The following NBAS variants were observed in gnomAD, a reference collection of about 807,000 sequenced individuals.
NBAS encodes the protein NBAS subunit of NRZ tethering complex, also known as NAG/BC035112 fusion.
Under a neutral mutation model 302.5 loss-of-function variants are expected in NBAS, and 219 were observed. That is an observed-to-expected ratio of 0.72 (90% CI 0.65 to 0.81). The LOEUF is 0.81. Ranked by LOEUF, NBAS falls within the 30% of genes least tolerant of loss-of-function variation. The pLI is 0.00. For synonymous variants in NBAS, 1,118 were observed against 1,021.6 expected, an observed-to-expected ratio of 1.09 and a Z score of -1.80; for missense variants, 2,932 against 2,841.6, an observed-to-expected ratio of 1.03 and a Z score of -0.72.
the NBAS span, among the ~76,000 whole-genome samples, chr2:15,159,936 T>C: frequency 3.3e-5 from 5 of 152,150 alleles, no homozygotes; most frequent in African/African-American, 1.2e-4. Flanking sequence ...TATTGTTTCA[T>C]CTCTGTGAGC....
At chr2:15,380,489 T>C (rs1233494217) in intron 29 of NBAS, among the ~76,000 whole-genome samples, 1 of 152,172 alleles carries the variant, frequency 6.6e-6, no homozygotes, top group Non-Finnish European at 1.5e-5. Context: ...CCACAAATGC[T>C]ATACTTACAA....
chr2:15,125,505 T>C, the NBAS span, among the ~76,000 whole-genome samples: 1 of 124,264 alleles, frequency 8.0e-6, no homozygotes, highest in African/African-American at 3.7e-5. Context: ...TCTAGTCATC[T>C]TCCACCAGGC....
the NBAS span, among the ~76,000 whole-genome samples, chr2:14,836,012 G>T: frequency 3.3e-5 from 5 of 152,072 alleles, no homozygotes; most frequent in Admixed American, 2.6e-4. Context: ...TCTGATGGGT[G>T]TATAGGGATA....
chr2:15,540,706 C>A (rs576796797), intron 6 of NBAS, among the ~76,000 whole-genome samples: 57 of 141,112 alleles, frequency 4.0e-4, no homozygotes, highest in African/African-American at 1.3e-3. Context: ...CAAATATATG[C>A]CTTTTGTTTT....
chr2:15,434,904 T>C (rs532220372), intron 21 of NBAS, among the ~76,000 whole-genome samples: 9 of 152,140 alleles, frequency 5.9e-5, no homozygotes, highest in Non-Finnish European at 1.3e-4. Flanking sequence ...AGCAATCTAA[T>C]AAATTCCACT....
chr2:14,874,800 T>C, the NBAS span, among the ~76,000 whole-genome samples: 1 of 148,172 alleles, frequency 6.7e-6, no homozygotes, highest in Non-Finnish European at 1.5e-5. Flanking sequence ...CAAAGAATAA[T>C]AGGTCATGAC....
intron 42 of NBAS, among the ~76,000 whole-genome samples, chr2:15,280,367 G>T (rs1378887434): frequency 1.3e-5 from 2 of 152,046 alleles, no homozygotes; most frequent in African/African-American, 4.8e-5. Context: ...GAAGGAAGAA[G>T]GTGAATGGGA....
the NBAS span, among the ~76,000 whole-genome samples, chr2:15,132,066 T>C: frequency 6.6e-6 from 1 of 152,224 alleles, no homozygotes; most frequent in Non-Finnish European, 1.5e-5. Flanking sequence ...AACTATATCA[T>C]CTTCCTTGGT....
chr2:15,527,276 A>T (rs1212672600), intron 9 of NBAS, among the ~76,000 whole-genome samples: 7 of 152,250 alleles, frequency 4.6e-5, no homozygotes, highest in Non-Finnish European at 5.9e-5. Flanking sequence ...TGGGTTTTAC[A>T]AAGGTATACA....
intron 21 of NBAS, among the ~76,000 whole-genome samples, chr2:15,429,308 C>T (rs139940896): frequency 6.7e-4 from 102 of 152,276 alleles, no homozygotes; most frequent in African/African-American, 2.4e-3. Flanking sequence ...TTAAAACAAA[C>T]TTCAATTGCC....
chr2:15,215,244 G>A (rs1666602153), intron 48 of NBAS, among the ~76,000 whole-genome samples: 1 of 152,076 alleles, frequency 6.6e-6, no homozygotes, highest in South Asian at 2.1e-4. Context: ...GAAGGCCTCT[G>A]AATTTTTAAT....
rs1558286810 is a variant in NBAS at position 15,379,605 on chromosome 2, G to A, written c.3587C>T (p.Ala1196Val). ...TNLTDSCMDL[A>V]RCCLQLITDR... ...GAAGAATATAGAGTTATTCTACCTG[G>A]CTAGATCCATGCAGCTATCAGTGAG... Residue 1196 changes from alanine (A) to valine (V), a missense_variant, in exon 30 of 52, where the codon GCC becomes GTC. By Grantham distance (64) the Ala-to-Val change is moderately conservative (BLOSUM62 0). Transcript: ENST00000281513. 6.2e-7 allele frequency: 1 copy of A among 1,613,146 alleles called. No individual in the cohort carries two copies. The highest frequency in any genetic ancestry group is 1.3e-5 in the African/African-American group (1 of 74,764).
At chr2:15,092,986 G>A in the NBAS span, among the ~76,000 whole-genome samples, 1 of 152,090 alleles carries the variant, frequency 6.6e-6, no homozygotes. Flanking sequence ...ATGTTCCTGG[G>A]GGTTAAAGTT....
chr2:14,801,319 G>A, the NBAS span, among the ~76,000 whole-genome samples: 1 of 151,762 alleles, frequency 6.6e-6, no homozygotes, highest in Non-Finnish European at 1.5e-5. Context: ...ATATTATTAG[G>A]TTGCTTGAAA....
Position 15,366,686 on chromosome 2 carries a change from C to T in NBAS, c.3711G>A (p.Leu1237=), listed in dbSNP as rs572428942. The T allele has an allele frequency of 1.9e-6, 3 of 1,613,698 alleles. No individual in the cohort carries two copies. The South Asian group carries it at 3.3e-5, about 18-fold the overall frequency. ...GVKILPLQVR[L]CPDRISLIKE... ...TGATGAGACTGATCCGATCAGGGCA[C>T]AATCGCACTACAAAAGAAAGACGTA... The change falls in exon 32 of 52, where the codon TTG becomes TTA. Residue 1237 remains leucine, a synonymous_variant. Coordinates refer to ENST00000281513, the MANE Select transcript of NBAS (RefSeq NM_015909.4).
At chr2:14,858,947 C>T in the NBAS span, among the ~76,000 whole-genome samples, 2 of 151,958 alleles carry the variant, frequency 1.3e-5, no homozygotes, top group East Asian at 3.9e-4. Context: ...TAAATATATA[C>T]ATCTACCATG....
chr2:14,848,562 G>A, the NBAS span, among the ~76,000 whole-genome samples: 1 of 140,400 alleles, frequency 7.1e-6, no homozygotes, highest in Admixed American at 6.7e-5. Context: ...GCTTGAACTG[G>A]GTGGAGCCCA....
the NBAS span, among the ~76,000 whole-genome samples, chr2:15,094,401 A>T: frequency 6.6e-6 from 1 of 152,228 alleles, no homozygotes; most frequent in Non-Finnish European, 1.5e-5. Context: ...GAAATTGTAA[A>T]ATGTTCCCAT....
At chr2:15,540,065 A>T (rs1349065798) in intron 6 of NBAS, among the ~76,000 whole-genome samples, 2 of 152,202 alleles carry the variant, frequency 1.3e-5, no homozygotes, top group Non-Finnish European at 2.9e-5. Context: ...GAAAAAGAGG[A>T]TGTGAAACTC....
Sources: allele counts gnomAD v4.1 joint callset (sites outside exome capture counted in the v4.1 genomes callset), GRCh38; gene constraint gnomAD v4.1.1; transcripts MANE v1.5; gene names NCBI Gene and HGNC (gene_info 2026-07-23, HGNC 2026-07-21).